Variants in CELF2 observed in about 807,000 individuals in gnomAD.
CELF2 encodes CUG triplet repeat RNA-binding protein 2.
A neutral mutation model predicts 62.6 loss-of-function variants in CELF2; 8 were observed. That is an observed-to-expected ratio of 0.13 (90% CI 0.07 to 0.23). The LOEUF (loss-of-function observed/expected upper bound fraction) is 0.23, where lower values mean the gene tolerates loss of function less well. CELF2 is among the 10% of genes least tolerant of loss of function. The pLI is 1.00. For synonymous variants in CELF2, 258 were observed against 250.0 expected (o/e 1.03, Z -0.30); for missense variants, 333 against 671.0 (o/e 0.50, Z 5.56).
the CELF2 span, among the ~76,000 whole-genome samples, chr10:10,599,205 A>AGCAATGAC: frequency 2.0e-5 from 3 of 152,204 alleles, no homozygotes; most frequent in Admixed American, 2.0e-4. Context: ...AGTCATTGAG[A>AGCAATGAC]GCAATGACTT....
At position 10,976,253 on chromosome 10, in the gene CELF2, C is replaced by T. The variant is rs554296917; in HGVS notation, c.89+56254C>T. 5.3e-5 allele frequency among the ~76,000 whole-genome samples: 8 copies of T among 152,306 alleles called. No individual in the cohort carries two copies. The South Asian group carries it at 1.2e-3, about 24-fold the overall frequency. ...CTGCACATCTCCTACCTCACTATTACTCCAATTCTGCAGATCAGGAAACTT... is the reference window on the plus strand; with the variant it reads ...CTGCACATCTCCTACCTCACTATTATTCCAATTCTGCAGATCAGGAAACTT... On this transcript the variant is annotated intron_variant, in intron 2 of 13. Coordinates refer to the CELF2 transcript ENST00000636488.
intron 3 of CELF2, among the ~76,000 whole-genome samples, chr10:11,234,057 T>G (rs2070003767): frequency 6.6e-6 from 1 of 152,224 alleles, no homozygotes; most frequent in East Asian, 1.9e-4. Flanking sequence ...TTCTTCAGCT[T>G]CTGGGACATT....
intron 10 of CELF2, chr10:11,320,764 TTCC>T: frequency 1.5e-6 from 2 of 1,309,158 alleles, no homozygotes; most frequent in Non-Finnish European, 1.0e-6. Flanking sequence ...TATCCCATAG[TTCC>T]TCAAAGAGCC....
At chr10:11,125,105 A>C (rs998517430) in intron 1 of CELF2, among the ~76,000 whole-genome samples, 4 of 152,180 alleles carry the variant, frequency 2.6e-5, no homozygotes, top group African/African-American at 9.7e-5. Flanking sequence ...TTCAGGTTCA[A>C]CAGGCTCTCT....
the CELF2 span, among the ~76,000 whole-genome samples, chr10:10,763,469 C>T: frequency 2.0e-5 from 3 of 152,164 alleles, no homozygotes; most frequent in Non-Finnish European, 4.4e-5. Flanking sequence ...CAGGAAAACC[C>T]ACCCTGCATG....
the CELF2 span, among the ~76,000 whole-genome samples, chr10:10,600,116 G>A: frequency 3.9e-5 from 6 of 152,174 alleles, no homozygotes; most frequent in African/African-American, 1.4e-4. Context: ...CAGCTAATAG[G>A]GTGGGAGCTA....
intron 1 of CELF2, among the ~76,000 whole-genome samples, chr10:10,811,331 T>C (rs1039493818): frequency 5.9e-5 from 9 of 152,162 alleles, no homozygotes; most frequent in Non-Finnish European, 1.3e-4. Context: ...TGACCAGGCT[T>C]TTTAAAGGGA....
intron 2 of CELF2, among the ~76,000 whole-genome samples, chr10:11,204,498 A>G (rs2059975917): frequency 6.6e-6 from 1 of 152,214 alleles, no homozygotes; most frequent in South Asian, 2.1e-4. Flanking sequence ...CAACCCCCTG[A>G]GTATACAGTA....
chr10:10,910,962 G>A lies in CELF2; in HGVS notation c.54-9002G>A, dbSNP rs559702115. Among the ~76,000 whole-genome samples, 35 of 152,188 alleles carry A rather than the reference G, an allele frequency of 2.3e-4. No individual in the cohort carries two copies. In the South Asian group the frequency reaches 6.2e-3, roughly 27 times the overall value. On this transcript the variant is annotated intron_variant, in intron 1 of 13. Transcript: ENST00000636488. ...CTAACAGCCGAGTCAGGTACTTAGC[G>A]GCTCACATTGTCTAACTGTGGTAGA... is the stretch of plus-strand genomic sequence containing the variant.
At chr10:10,807,870 C>T (rs2055397199) in intron 1 of CELF2, among the ~76,000 whole-genome samples, 1 of 152,092 alleles carries the variant, frequency 6.6e-6, no homozygotes. Context: ...GAAAACCTGA[C>T]TCAGTTCATT....
At chr10:10,899,318 C>A (rs2062771714) in intron 1 of CELF2, among the ~76,000 whole-genome samples, 1 of 151,996 alleles carries the variant, frequency 6.6e-6, no homozygotes, top group Admixed American at 6.5e-5. Context: ...AATTGCCAAA[C>A]AGATTTATGG....
At chr10:10,557,149 G>C in the CELF2 span, among the ~76,000 whole-genome samples, 3 of 138,018 alleles carry the variant, frequency 2.2e-5, no homozygotes, top group African/African-American at 8.5e-5. Flanking sequence ...TTTTCTTCTA[G>C]GGTTTTTATG....
Position 11,296,974 on chromosome 10 carries a change from C to T in CELF2, c.976+8422C>T, listed in dbSNP as rs745667665. ...GGATGCCCACCGGGGACCCTGAGAG[C>T]CGGGGCTCAGGAGCTGGGACTTTTC... On this transcript the variant is annotated intron_variant, in intron 9 of 12. Coordinates refer to ENST00000633077, the MANE Select transcript of CELF2 (RefSeq NM_001326342.2). This position sits in a 1 kb window ranked among gnomAD's most constrained non-coding sequence, Gnocchi z 5.0. Among the ~76,000 whole-genome samples, 1 of 152,186 alleles carries T rather than the reference C, an allele frequency of 6.6e-6. No homozygotes were observed. Among genetic ancestry groups the T allele is most frequent in the Non-Finnish European group, 1.5e-5 (1 of 68,022 alleles).
chr10:10,614,727 G>A, the CELF2 span, among the ~76,000 whole-genome samples: 537 of 152,242 alleles, frequency 3.5e-3, 5 homozygotes, highest in African/African-American at 0.012. Flanking sequence ...ACACTATTAA[G>A]ATAAAGCAGG....
intron 1 of CELF2, among the ~76,000 whole-genome samples, chr10:11,070,352 A>G (rs968086899): frequency 3.3e-5 from 5 of 152,296 alleles, no homozygotes; most frequent in African/African-American, 1.2e-4. Flanking sequence ...GGCACCCATG[A>G]TCCAGGGACC....
chr10:10,848,923 C>A (rs1162144022), intron 1 of CELF2, among the ~76,000 whole-genome samples: 1 of 152,116 alleles, frequency 6.6e-6, no homozygotes, highest in Non-Finnish European at 1.5e-5. Context: ...ATTGGCTGTT[C>A]TCACATGGTC....
At chr10:10,560,566 G>T in the CELF2 span, among the ~76,000 whole-genome samples, 1 of 152,010 alleles carries the variant, frequency 6.6e-6, no homozygotes, top group African/African-American at 2.4e-5. Context: ...TTACACTGCT[G>T]GTGTGAATGC....
At chr10:11,201,941 G>A (rs2059311716) in intron 2 of CELF2, among the ~76,000 whole-genome samples, 1 of 149,964 alleles carries the variant, frequency 6.7e-6, no homozygotes, top group African/African-American at 2.4e-5. Context: ...TGTAAGGAAT[G>A]GTGGTGGACT....
chr10:10,598,431 A>G, the CELF2 span, among the ~76,000 whole-genome samples: 1 of 152,320 alleles, frequency 6.6e-6, no homozygotes, highest in Non-Finnish European at 1.5e-5. Context: ...GGGCAGCCAT[A>G]TTAATCAGCA....
Sources: allele counts gnomAD v4.1 joint callset (sites outside exome capture counted in the v4.1 genomes callset), GRCh38; gene constraint gnomAD v4.1.1; non-coding constraint Gnocchi (gnomAD v3.1); transcripts MANE v1.5; gene names NCBI Gene and HGNC (gene_info 2026-07-23, HGNC 2026-07-21).